The following ATXN1 variants were observed in gnomAD, a reference collection of about 807,000 sequenced individuals.
ATXN1 encodes ataxin-1.
ATXN1 carries 8 observed loss-of-function variants against 56.4 expected under a neutral mutation model. The observed-to-expected ratio is 0.14, with a 90% confidence interval of 0.08 to 0.26. ATXN1 has a LOEUF of 0.26. Among genes scored for constraint, ATXN1 ranks in the 10% least tolerant of loss-of-function variants. The pLI is 1.00. For synonymous variants in ATXN1, 514 were observed against 494.6 expected (o/e 1.04, Z -0.52); for missense variants, 987 against 1,106.5 (o/e 0.89, Z 1.53).
intron 6 of ATXN1, among the ~76,000 whole-genome samples, chr6:16,482,797 T>C (rs913765707): frequency 5.3e-5 from 8 of 152,212 alleles, no homozygotes; most frequent in Admixed American, 3.3e-4. Context: ...AATAACTCTT[T>C]TTTTCTTTTA....
chr6:16,628,403 T>C (rs540123837), intron 3 of ATXN1, among the ~76,000 whole-genome samples: 2 of 152,352 alleles, frequency 1.3e-5, no homozygotes, highest in East Asian at 3.9e-4. Context: ...AGAATACTAA[T>C]TAGCAAAACC....
intron 3 of ATXN1, among the ~76,000 whole-genome samples, chr6:16,644,939 G>A (rs971617119): frequency 2.6e-5 from 4 of 152,132 alleles, no homozygotes; most frequent in African/African-American, 9.7e-5. Context: ...CATTTTTGTA[G>A]AGCAGATAAC....
At chr6:16,502,441 G>A (rs1323248037) in intron 5 of ATXN1, among the ~76,000 whole-genome samples, 1 of 152,098 alleles carries the variant, frequency 6.6e-6, no homozygotes, top group African/African-American at 2.4e-5. Context: ...TTTGTAATAG[G>A]CTAAAAATAA....
intron 4 of ATXN1, among the ~76,000 whole-genome samples, chr6:16,531,353 T>C (rs1436036967): frequency 6.6e-6 from 1 of 152,234 alleles, no homozygotes; most frequent in Admixed American, 6.5e-5. Flanking sequence ...CAGGACGCAG[T>C]GGCTCACACC....
chr6:16,746,704 A>T (rs1760547918), intron 2 of ATXN1, among the ~76,000 whole-genome samples: 1 of 152,226 alleles, frequency 6.6e-6, no homozygotes, highest in Admixed American at 6.5e-5. Flanking sequence ...AAATGAATTT[A>T]GGCACCGCTT....
At chr6:16,671,748 A>G (rs531072203) in intron 2 of ATXN1, among the ~76,000 whole-genome samples, 142 of 152,340 alleles carry the variant, frequency 9.3e-4, no homozygotes, top group African/African-American at 3.2e-3. Flanking sequence ...CGAACAATCA[A>G]GGGTCAAAAT....
chr6:16,739,149 T>C (rs1458311899), intron 2 of ATXN1: 6 of 150,064 alleles, frequency 4.0e-5, no homozygotes, highest in Non-Finnish European at 7.4e-5. Context: ...TATATACATT[T>C]TGGTTGTGTT....
In ATXN1 at chr6:16,303,593, TA is replaced by T. The variant is rs773610572; in HGVS notation, c.*2735del. The T allele has an allele frequency of 1.2e-4, 18 of 152,680 alleles. No individual in the cohort carries two copies. Among genetic ancestry groups the T allele is most frequent in the Non-Finnish European group, 2.4e-4 (16 of 68,042 alleles). 9.5% of individuals were successfully genotyped at this position (152,680 alleles called of 1,614,324 possible). A position where few individuals can be genotyped will look rare whatever the true frequency, so the allele number is the denominator to read the frequency against. On this transcript the variant is annotated 3_prime_UTR_variant, in exon 8 of 8. Coordinates refer to ENST00000436367, the MANE Select transcript of ATXN1 (RefSeq NM_001128164.2). This position sits in a 1 kb window ranked among gnomAD's most constrained non-coding sequence, Gnocchi z 4.3. ...AAGAGAATGAAATGGGACAAGTGTT[TA>T]GAAAGAACCAATTATTTTATAATTC...
intron 4 of ATXN1, among the ~76,000 whole-genome samples, chr6:16,549,673 G>A (rs1368653929): frequency 3.9e-5 from 6 of 152,018 alleles, no homozygotes; most frequent in South Asian, 2.1e-4. Flanking sequence ...AGAGATGGGC[G>A]GATCACCTGA....
chr6:16,523,721 A>G (rs1406201707), intron 4 of ATXN1, among the ~76,000 whole-genome samples: 1 of 152,182 alleles, frequency 6.6e-6, no homozygotes, highest in Non-Finnish European at 1.5e-5. Context: ...TGGAGGCCAC[A>G]TATCAGGCTG....
chr6:16,741,368 G>C (rs963817856), intron 2 of ATXN1, among the ~76,000 whole-genome samples: 2 of 152,160 alleles, frequency 1.3e-5, no homozygotes, highest in African/African-American at 4.8e-5. Context: ...ACCATCAAGA[G>C]AAAGGGTACT....
At chr6:16,678,238 A>G (rs1299378716) in intron 2 of ATXN1, among the ~76,000 whole-genome samples, 1 of 148,002 alleles carries the variant, frequency 6.8e-6, no homozygotes, top group African/African-American at 2.5e-5. Context: ...ATTTTTTCAT[A>G]ATCTGACTTC....
chr6:16,696,324 G>A (rs1759164957), intron 2 of ATXN1, among the ~76,000 whole-genome samples: 1 of 152,210 alleles, frequency 6.6e-6, no homozygotes, highest in Non-Finnish European at 1.5e-5. Context: ...GTGGCATCGA[G>A]AAGAATTATG....
chr6:16,614,040 T>C (rs1003829721), intron 3 of ATXN1, among the ~76,000 whole-genome samples: 2 of 151,562 alleles, frequency 1.3e-5, no homozygotes, highest in Non-Finnish European at 2.9e-5. Flanking sequence ...GGATGCTACA[T>C]GTGCCTTAAT....
At chr6:16,732,525 G>A (rs771362656) in intron 2 of ATXN1, among the ~76,000 whole-genome samples, 20 of 151,934 alleles carry the variant, frequency 1.3e-4, no homozygotes, top group Non-Finnish European at 2.5e-4. Context: ...AAGCCGAGAT[G>A]GCACCACTCC....
intron 5 of ATXN1, among the ~76,000 whole-genome samples, chr6:16,519,597 T>C (rs1761247767): frequency 6.6e-6 from 1 of 152,116 alleles, no homozygotes; most frequent in Non-Finnish European, 1.5e-5. Context: ...TTCACATTGC[T>C]CCATGTCACT....
chr6:16,729,148 T>A (rs903289507), intron 2 of ATXN1, among the ~76,000 whole-genome samples: 2 of 152,226 alleles, frequency 1.3e-5, no homozygotes, highest in African/African-American at 4.8e-5. Flanking sequence ...GTACAAAGTA[T>A]CTGGTCACAA....
chr6:16,572,790 A>G (rs1204568588), intron 4 of ATXN1, among the ~76,000 whole-genome samples: 1 of 152,182 alleles, frequency 6.6e-6, no homozygotes, highest in Non-Finnish European at 1.5e-5. Context: ...TTAAGCATGC[A>G]TACACTTTTT....
At chr6:16,511,247 G>A (rs915305231) in intron 5 of ATXN1, among the ~76,000 whole-genome samples, 4 of 152,120 alleles carry the variant, frequency 2.6e-5, no homozygotes, top group African/African-American at 9.7e-5. Flanking sequence ...CCTGCTTAGA[G>A]GGCACCTCAC....
Sources: gnomAD v4.1 joint callset for allele counts (sites outside exome capture counted in the v4.1 genomes callset) on GRCh38, gnomAD v4.1.1 for gene constraint, Gnocchi (gnomAD v3.1) non-coding constraint, MANE v1.5 for transcripts, NCBI Gene and HGNC (gene_info 2026-07-23, HGNC 2026-07-21) for gene names.